GPHN: variants seen among roughly 807,000 people sequenced by gnomAD.
GPHN encodes gephyrin.
Under a neutral mutation model 95.5 loss-of-function variants are expected in GPHN, and 17 were observed. That is an observed-to-expected ratio of 0.18 (90% CI 0.12 to 0.27). The LOEUF (loss-of-function observed/expected upper bound fraction) is 0.27, where lower values mean the gene tolerates loss of function less well. Among genes scored for constraint, GPHN ranks in the 10% least tolerant of loss-of-function variants. The probability of loss-of-function intolerance (pLI) is 1.00; values close to 1 mark genes in which losing one functional copy is unlikely to be tolerated. For missense variants in GPHN, 660 were observed against 978.1 expected, an observed-to-expected ratio of 0.67 and a Z score of 4.34; for synonymous variants, 320 against 322.5, an observed-to-expected ratio of 0.99 and a Z score of 0.08.
At chr14:67,208,413 A>AT in the GPHN span, 1 of 1,613,974 alleles carries the variant, frequency 6.2e-7, no homozygotes, top group East Asian at 2.2e-5. Context: ...AAGATGCCTG[A>AT]TTTTCAGAGC....
intron 12 of GPHN, 58 bp downstream of exon 12, chr14:67,089,133 CTTTTTTTTTT>C (rs1163483546): frequency 5.0e-5 from 10 of 198,572 alleles, no homozygotes; most frequent in Middle Eastern, 1.6e-3. Context: ...TTCTTTTTTT[CTTTTTTTTTT>C]TTTTTTTTTT....
At chr14:67,332,218 C>T in the GPHN span, among the ~76,000 whole-genome samples, 1 of 152,274 alleles carries the variant, frequency 6.6e-6, no homozygotes, top group Admixed American at 6.5e-5. Context: ...GCCTTGCTGC[C>T]TGCTTATCTT....
the GPHN span, among the ~76,000 whole-genome samples, chr14:67,515,904 CTG>C: frequency 3.9e-4 from 60 of 152,340 alleles, 2 homozygotes; most frequent in East Asian, 0.011. Context: ...GATGGAGAAA[CTG>C]AGGCCTATGG....
At chr14:66,659,712 A>G (rs1595440993) in intron 1 of GPHN, among the ~76,000 whole-genome samples, 1 of 151,968 alleles carries the variant, frequency 6.6e-6, no homozygotes, top group Non-Finnish European at 1.5e-5. Flanking sequence ...TTTGAAGCCT[A>G]CTTTACCTGG....
Position 67,159,275 on chromosome 14 carries a change from G to C in GPHN, c.1837-140G>C. On this transcript the variant is annotated intron_variant, in intron 18 of 22. Coordinates refer to ENST00000478722, the MANE Select transcript of GPHN (RefSeq NM_020806.5). Reference sequence around the variant, plus strand: ...ATAAATGAAGAATGAAGGAATATTTGTGTTAAGCAAATCAACTCCATTAAA... The same window carrying C: ...ATAAATGAAGAATGAAGGAATATTTCTGTTAAGCAAATCAACTCCATTAAA... 5.8e-6 allele frequency: 4 copies of C among 688,422 alleles called. No individual in the cohort carries two copies. In the East Asian group the frequency reaches 1.1e-4, roughly 19 times the overall value. 42.6% of individuals were successfully genotyped at this position (688,422 alleles called of 1,614,324 possible).
At chr14:66,850,019 T>G (rs1483470320) in intron 4 of GPHN, among the ~76,000 whole-genome samples, 3 of 152,236 alleles carry the variant, frequency 2.0e-5, no homozygotes, top group East Asian at 3.9e-4. Flanking sequence ...AATAAGTTAG[T>G]TTTTCCCTTT....
chr14:67,365,385 G>A, the GPHN span, among the ~76,000 whole-genome samples: 1 of 152,218 alleles, frequency 6.6e-6, no homozygotes, highest in Non-Finnish European at 1.5e-5. Flanking sequence ...AAATAGTAAT[G>A]AGATCACTGG....
chr14:67,376,647 A>T, the GPHN span: 1 of 1,556,596 alleles, frequency 6.4e-7, no homozygotes, highest in Non-Finnish European at 8.7e-7. Flanking sequence ...TTGGCCTGAT[A>T]TTTAACAGCA....
At chr14:67,256,057 C>A in the GPHN span, among the ~76,000 whole-genome samples, 6 of 151,972 alleles carry the variant, frequency 3.9e-5, no homozygotes, top group East Asian at 1.2e-3. Flanking sequence ...AAAGTAATAT[C>A]TTTGTGTTTT....
At chr14:67,316,212 C>T in the GPHN span, among the ~76,000 whole-genome samples, 1 of 152,096 alleles carries the variant, frequency 6.6e-6, no homozygotes, top group Admixed American at 6.5e-5. Context: ...AAAAGAAAAC[C>T]TCTTTCAAGG....
chr14:67,254,026 C>CT, the GPHN span, among the ~76,000 whole-genome samples: 11 of 77,508 alleles, frequency 1.4e-4, no homozygotes, highest in East Asian at 8.1e-3. Flanking sequence ...TTATATTCAT[C>CT]CCCCCCCCCT....
chr14:66,584,855 T>C (rs2061354628), intron 1 of GPHN, among the ~76,000 whole-genome samples: 2 of 152,194 alleles, frequency 1.3e-5, no homozygotes, highest in African/African-American at 4.8e-5. Flanking sequence ...TTCTCTTTTT[T>C]GGTTGTGTCT....
At chr14:67,631,100 G>A in the GPHN span, among the ~76,000 whole-genome samples, 4 of 151,952 alleles carry the variant, frequency 2.6e-5, no homozygotes, top group Admixed American at 2.0e-4. Context: ...CTGTCCTTTC[G>A]GTAATTAATT....
At chr14:67,537,346 A>AAAAAATAATAAT in the GPHN span, among the ~76,000 whole-genome samples, 1 of 126,602 alleles carries the variant, frequency 7.9e-6, no homozygotes, top group Non-Finnish European at 1.6e-5. Context: ...TCCATCTCAA[A>AAAAAATAATAAT]AATAATAATA....
intron 9 of GPHN, among the ~76,000 whole-genome samples, chr14:67,016,385 TAAC>T (rs2073313320): frequency 1.3e-5 from 2 of 152,216 alleles, no homozygotes; most frequent in South Asian, 4.1e-4. Context: ...GCAGATCTAA[TAAC>T]TACTATAATT....
At chr14:66,542,665 G>A (rs1416702772) in intron 1 of GPHN, among the ~76,000 whole-genome samples, 1 of 152,120 alleles carries the variant, frequency 6.6e-6, no homozygotes, top group Admixed American at 6.5e-5. Context: ...CAAACCTACT[G>A]CTACCTCTGT....
rs1332459412 is a variant in GPHN, at chr14:66,986,929, A to G, written c.963+21604A>G. On this transcript the variant is annotated intron_variant, in intron 9 of 22. Transcript: ENST00000478722. ...TTGTTTGTGTGTGCGCACGCACATG[A>G]GTGCACATGGATGAAGGTGTGTTTG... Among the ~76,000 whole-genome samples, 10 of 152,144 alleles carry G rather than the reference A, an allele frequency of 6.6e-5. No individual in the cohort carries two copies. In the East Asian group the frequency reaches 1.9e-3, roughly 29 times the overall value.
intron 17 of GPHN, among the ~76,000 whole-genome samples, chr14:67,131,202 C>CT (rs566619007): frequency 1.1e-3 from 157 of 145,844 alleles, no homozygotes; most frequent in Middle Eastern, 3.6e-3. Context: ...TCTGTTACTG[C>CT]TTTTTTTTTT....
At chr14:66,907,178 G>T (rs1345128306) in intron 5 of GPHN, among the ~76,000 whole-genome samples, 1 of 152,118 alleles carries the variant, frequency 6.6e-6, no homozygotes, top group African/African-American at 2.4e-5. Context: ...AATCAACCAA[G>T]ATTTACTTCA....
Sources: allele counts gnomAD v4.1 joint callset (sites outside exome capture counted in the v4.1 genomes callset), GRCh38; gene constraint gnomAD v4.1.1; transcripts MANE v1.5; gene names NCBI Gene and HGNC (gene_info 2026-07-23, HGNC 2026-07-21).